The following MTM1 variants were observed in gnomAD, a reference collection of about 807,000 sequenced individuals.
MTM1 encodes myotubularin 1.
MTM1 carries 9 observed loss-of-function variants against 52.1 expected under a neutral mutation model. The observed-to-expected ratio is 0.17, with a 90% CI of 0.10 to 0.30. The LOEUF (loss-of-function observed/expected upper bound fraction) is 0.30. Ranked by LOEUF, MTM1 falls within the 10% of genes least tolerant of loss-of-function variation. The pLI is 1.00. For missense variants in MTM1, 277 were observed against 470.7 expected, an observed-to-expected ratio of 0.59 and a Z score of 3.81; for synonymous variants, 136 against 163.8, an observed-to-expected ratio of 0.83 and a Z score of 1.29.
At chrX:150,570,513 C>A (rs1350822326) in intron 1 of MTM1, among the ~76,000 whole-genome samples, 1 of 111,185 alleles carries the variant, frequency 9.0e-6, no homozygotes, top group Non-Finnish European at 1.9e-5. Context: ...ACTCACATTT[C>A]CCCCCACCCC....
At chrX:150,665,275 A>T (rs2040286232) in intron 14 of MTM1, among the ~76,000 whole-genome samples, 1 of 112,370 alleles carries the variant, frequency 8.9e-6, no homozygotes. Flanking sequence ...GAATGTTCTC[A>T]TGCGTCAGGC....
intron 13 of MTM1, among the ~76,000 whole-genome samples, chrX:150,661,537 C>T (rs1165177207): frequency 1.8e-5 from 2 of 111,886 alleles, no homozygotes; most frequent in African/African-American, 6.5e-5. Context: ...TGGACTCAAC[C>T]TGTGTCCATC....
Position 150,641,411 on chromosome X carries a change from G to A in MTM1, c.671G>A (p.Arg224Gln). The stretch of plus-strand genomic sequence containing the variant: ...GTTGCAACTTTTAGGTCCCGAAATC[G>A]AATTCCAGTGAGTACTGCAATTAAC... The part of the protein sequence containing the change: ...RRVATFRSRN[R>Q]IPVLSWIHPE... Residue 224 changes from arginine (R) to glutamine (Q), a missense_variant, in exon 8 of 15, where the codon CGA (arginine) becomes CAA (glutamine). Around this residue, in one of 4 missense-constraint regions of MTM1, gnomAD observed 164 missense variants for 283.3 expected, o/e 0.58. Transcript: ENST00000370396. 1 of 1,210,918 alleles carries A rather than the reference G, an allele frequency of 8.3e-7. No individual in the cohort carries two copies. Among genetic ancestry groups the A allele is most frequent in the Non-Finnish European group, 1.1e-6 (1 of 895,004 alleles).
At chrX:150,579,021 A>ATCTATCTATCTATCTATC (rs2038527624) in intron 1 of MTM1, among the ~76,000 whole-genome samples, 1 of 42,271 alleles carries the variant, frequency 2.4e-5, no homozygotes, top group East Asian at 5.3e-4. Flanking sequence ...ATATATCTCT[A>ATCTATCTATCTATCTATC]TCTATCTATC....
chrX:150,588,171 A>C (rs1188445456), intron 1 of MTM1, among the ~76,000 whole-genome samples: 4 of 112,375 alleles, frequency 3.6e-5, no homozygotes, highest in Admixed American at 9.4e-5. Flanking sequence ...GTCAAGTTTT[A>C]AGTCTCAGTA....
intron 2 of MTM1, among the ~76,000 whole-genome samples, chrX:150,594,895 C>T (rs892129954): frequency 1.8e-5 from 2 of 111,446 alleles, no homozygotes; most frequent in South Asian, 3.7e-4. Context: ...TCCTCTCTTA[C>T]AATTTATATA....
intron 4 of MTM1, among the ~76,000 whole-genome samples, chrX:150,602,980 A>G (rs187032443): frequency 8.9e-6 from 1 of 111,977 alleles, no homozygotes; most frequent in Non-Finnish European, 1.9e-5. Context: ...AGTGGTATGC[A>G]TAGTGCTGTG....
At chrX:150,567,795 C>G (rs1333566981), upstream of MTM1, among the ~76,000 whole-genome samples, 2 of 112,176 alleles carry the variant, frequency 1.8e-5, no homozygotes, top group African/African-American at 6.5e-5. Flanking sequence ...CTCAGGTGAT[C>G]CGCCTGCGTT....
chrX:150,569,056 C>T (rs1332231576), intron 1 of MTM1, among the ~76,000 whole-genome samples: 2 of 113,730 alleles, frequency 1.8e-5, no homozygotes, highest in African/African-American at 3.2e-5. Flanking sequence ...CGGCGACGCT[C>T]CGCGGCTGGT....
chrX:150,658,135 A>G (rs782036325), intron 11 of MTM1, 108 bp downstream of exon 11: 3 of 699,129 alleles, frequency 4.3e-6, no homozygotes, highest in Middle Eastern at 4.2e-4. Context: ...GAGGAGTGTA[A>G]TAAAAACTTT....
At chrX:150,649,983 T>TA (rs781855145) in intron 10 of MTM1, 82 bp downstream of exon 10, 46 of 901,431 alleles carry the variant, frequency 5.1e-5, no homozygotes, top group Non-Finnish European at 6.4e-5. Context: ...TTAAATTCCT[T>TA]AAAAAAATGG....
At chrX:150,663,748 A>G (rs2040262400) in intron 14 of MTM1, 139 bp downstream of exon 14, 1 of 579,785 alleles carries the variant, frequency 1.7e-6, no homozygotes, top group Admixed American at 3.3e-5. Context: ...CTCAACCTTA[A>G]TTTAAATTTT....
chrX:150,584,707 G>A (rs781890893), intron 1 of MTM1, among the ~76,000 whole-genome samples: 7 of 110,948 alleles, frequency 6.3e-5, no homozygotes, highest in East Asian at 2.8e-4. Context: ...TGGTATTTGC[G>A]GGAAACTGGT....
At chrX:150,567,025 C>G (rs1557411255), upstream of MTM1, among the ~76,000 whole-genome samples, 1 of 111,312 alleles carries the variant, frequency 9.0e-6, no homozygotes, top group Middle Eastern at 4.6e-3. Flanking sequence ...ATCAGTACAA[C>G]AAGAAGGGCT....
intron 1 of MTM1, among the ~76,000 whole-genome samples, chrX:150,580,046 G>A (rs1414055021): frequency 9.0e-6 from 1 of 111,191 alleles, no homozygotes; most frequent in Non-Finnish European, 1.9e-5. Flanking sequence ...TTAAATACAA[G>A]TGATAAGAGT....
At chrX:150,632,588 A>G (rs2148478473) in intron 6 of MTM1, among the ~76,000 whole-genome samples, 1 of 111,380 alleles carries the variant, frequency 9.0e-6, no homozygotes, top group Non-Finnish European at 1.9e-5. Flanking sequence ...GGAGTGGAGG[A>G]GAGAGGAAGA....
At chrX:150,658,842 C>CTTGTTTGT (rs781882957) in intron 11 of MTM1, among the ~76,000 whole-genome samples, 4 of 111,079 alleles carry the variant, frequency 3.6e-5, no homozygotes, top group Non-Finnish European at 7.6e-5. Flanking sequence ...TGTTTTTTTG[C>CTTGTTTGT]TTGTTTGTTT....
At position 150,618,074 on chromosome X, in the gene MTM1, A is replaced by C. The variant is rs147523433; in HGVS notation, c.343-964A>C. 1.1e-4 allele frequency among the ~76,000 whole-genome samples: 12 copies of C among 112,395 alleles called. No individual in the cohort carries two copies. The East Asian group carries it at 3.3e-3, about 31-fold the overall frequency. On this transcript the variant is annotated intron_variant, in intron 5 of 14. Coordinates refer to ENST00000370396, the MANE Select transcript of MTM1 (RefSeq NM_000252.3). The stretch of plus-strand genomic sequence containing the variant: ...GACAAAGTTTTCCTGCTTATTGAAC[A>C]GATATGTATTGGAAGCTACCTTTAA...
Position 150,660,397 on chromosome X carries a change from A to G in MTM1, c.1380A>G (p.Glu460=). ...KQFPTAFEFN[E]QFLIIILDHL... ...TCCCTACAGCTTTTGAATTCAATGA[A>G]CAATTTTTGATTATAATTTTGGATC... The change falls in exon 13 of 15, where the codon GAA becomes GAG. Residue 460 remains glutamate (E), a synonymous_variant. Transcript: ENST00000370396. The G allele has an allele frequency of 8.3e-7, 1 of 1,197,883 alleles. No homozygotes were observed. The highest frequency in any genetic ancestry group is 1.1e-6 in the Non-Finnish European group (1 of 882,934).
Sources: gnomAD v4.1 joint callset for allele counts (sites outside exome capture counted in the v4.1 genomes callset) on GRCh38, gnomAD v4.1.1 for gene constraint, gnomAD v4.1.1 regional missense constraint, MANE v1.5 for transcripts, NCBI Gene and HGNC (gene_info 2026-07-23, HGNC 2026-07-21) for gene names.